Variants in ZNF208 observed in about 807,000 individuals in gnomAD.
The protein encoded by ZNF208 is zinc finger protein 95.
In ZNF208, 10 loss-of-function variants were observed where a neutral mutation model predicts 12.1. The observed-to-expected ratio is 0.83, with a 90% CI of 0.51 to 1.40. The LOEUF (loss-of-function observed/expected upper bound fraction) is 1.40, where lower values mean the gene tolerates loss of function less well. ZNF208 is among the 40% of genes most tolerant of loss of function. The pLI is 0.00. For synonymous variants in ZNF208, 497 were observed against 488.4 expected (o/e 1.02, Z -0.23); for missense variants, 1,652 against 1,485.0 (o/e 1.11, Z -1.85).
chr19:21,988,891 C>A lies in ZNF208; in HGVS notation c.22G>T (p.Asp8Tyr), dbSNP rs769620357. The A allele has an allele frequency of 1.2e-6, 2 of 1,614,056 alleles. No homozygotes were observed. The highest frequency in any genetic ancestry group is 2.2e-5 in the East Asian group (1 of 44,878). The stretch of plus-strand genomic sequence containing the variant: ...TCCAGAGAGAATTCTATGGCCACAT[C>A]CCTAAATGTCAATGATCCCTGGAAA... MGSLTFR[D>Y]VAIEFSLEEW... Residue 8 changes from aspartate (D) to tyrosine (Y), a missense_variant, in exon 2 of 4, where the codon GAT (aspartate) becomes TAT (tyrosine). Coordinates refer to ENST00000397126, the MANE Select transcript of ZNF208 (RefSeq NM_007153.3).
At chr19:21,959,233 T>A (rs1335286975) in intron 4 of ZNF208, among the ~76,000 whole-genome samples, 1 of 152,170 alleles carries the variant, frequency 6.6e-6, no homozygotes, top group Admixed American at 6.6e-5. Flanking sequence ...AAGTGATGAA[T>A]ACAGCAACAT....
chr19:21,995,608 A>C (rs1158664865), intron 1 of ZNF208, among the ~76,000 whole-genome samples: 13 of 152,204 alleles, frequency 8.5e-5, no homozygotes, highest in Admixed American at 8.5e-4. Context: ...TAAATAAAAA[A>C]ATGGAACTAC....
At chr19:21,993,375 A>G (rs1307975514) in intron 1 of ZNF208, among the ~76,000 whole-genome samples, 1 of 152,136 alleles carries the variant, frequency 6.6e-6, no homozygotes, top group Non-Finnish European at 1.5e-5. Context: ...TTCTGGCCTC[A>G]CCTTAGAGTC....
chr19:21,969,672 T>C lies in ZNF208; in HGVS notation c.*1519A>G, dbSNP rs1026051720. Among the ~76,000 whole-genome samples the C allele has an allele frequency of 6.6e-6, 1 of 152,196 alleles. No individual in the cohort carries two copies. Among genetic ancestry groups the C allele is most frequent in the Non-Finnish European group, 1.5e-5 (1 of 68,034 alleles). On this transcript the variant is annotated 3_prime_UTR_variant, in exon 4 of 4. Coordinates refer to ENST00000397126, the MANE Select transcript of ZNF208 (RefSeq NM_007153.3). Reference sequence around the variant, plus strand: ...TGATGTTGAGCAAAGTTGGAACAACTACCTCAGGTTTTCCTGTAGTACAAA... The same window carrying C: ...TGATGTTGAGCAAAGTTGGAACAACCACCTCAGGTTTTCCTGTAGTACAAA...
At chr19:21,941,957 C>A (rs1484905512) in intron 4 of ZNF208, among the ~76,000 whole-genome samples, 1 of 151,968 alleles carries the variant, frequency 6.6e-6, no homozygotes, top group Non-Finnish European at 1.5e-5. Flanking sequence ...ACAAACTTTA[C>A]AAATTGCTGT....
At chr19:21,961,025 A>T (rs1970058206) in intron 4 of ZNF208, among the ~76,000 whole-genome samples, 1 of 152,156 alleles carries the variant, frequency 6.6e-6, no homozygotes, top group African/African-American at 2.4e-5. Flanking sequence ...ATGAATAAGA[A>T]TTTGCATCAC....
At position 21,973,552 on chromosome 19, in the gene ZNF208, C is replaced by T. The variant is rs765709286; in HGVS notation, c.1482G>A (p.Glu494=). ...CACATTCTTCACATTTGTAGGGTTT[C>T]TCTCCAGCATGAGTTGCCTTATCAC... ...EECDKATHAG[E]KPYKCEECGK... Residue 494 remains glutamate, a synonymous_variant, in exon 4 of 4, where the codon GAG becomes GAA. Coordinates refer to ENST00000397126, the MANE Select transcript of ZNF208 (RefSeq NM_007153.3). 6.2e-7 allele frequency: 1 copy of T among 1,612,468 alleles called. No homozygotes were observed. The highest frequency in any genetic ancestry group is 8.5e-7 in the Non-Finnish European group (1 of 1,179,712).
chr19:22,007,381 G>T (rs572865233), intron 1 of ZNF208, among the ~76,000 whole-genome samples: 2 of 151,476 alleles, frequency 1.3e-5, no homozygotes, highest in Non-Finnish European at 2.9e-5. Context: ...TTTGCTGGGC[G>T]TGGTGGCGGG....
Position 21,973,824 on chromosome 19 carries a change from T to G in ZNF208, c.1210A>C (p.Lys404Gln), listed in dbSNP as rs1227206581. 1 of 1,613,682 alleles carries G rather than the reference T, an allele frequency of 6.2e-7. No individual in the cohort carries two copies. The highest frequency in any genetic ancestry group is 8.5e-7 in the Non-Finnish European group (1 of 1,179,882). ...EKPYKCEECGKGFSMFSILTK... is the reference protein window; with the variant it reads ...EKPYKCEECGQGFSMFSILTK... Reference sequence around the variant, plus strand: ...AGGATTGAGAACATACTAAAACCTTTGCCACATTCTTCACATTTGTAGGGT... The same window carrying G: ...AGGATTGAGAACATACTAAAACCTTGGCCACATTCTTCACATTTGTAGGGT... The change falls in exon 4 of 4, where the codon AAA becomes CAA. Residue 404 changes from lysine (K) to glutamine (Q), a missense_variant. This residue lies in a region of ZNF208 where 1,239 missense variants were observed against 1,086.2 expected (regional missense o/e 1.14). Coordinates refer to ENST00000397126, the MANE Select transcript of ZNF208 (RefSeq NM_007153.3).
intron 4 of ZNF208, among the ~76,000 whole-genome samples, chr19:21,943,779 A>C (rs1017621426): frequency 6.6e-6 from 1 of 152,242 alleles, no homozygotes; most frequent in Non-Finnish European, 1.5e-5. Context: ...AAAAATAAAC[A>C]TAAAAAGCTG....
intron 1 of ZNF208, among the ~76,000 whole-genome samples, chr19:21,994,951 T>TTC (rs200674456): frequency 0.01 from 413 of 41,130 alleles, 21 homozygotes; most frequent in East Asian, 0.035. Context: ...CTGTTTTTCT[T>TTC]TTCTTTTTTT....
intron 4 of ZNF208, among the ~76,000 whole-genome samples, chr19:21,959,386 A>G (rs1970027473): frequency 6.6e-6 from 1 of 152,218 alleles, no homozygotes; most frequent in Non-Finnish European, 1.5e-5. Context: ...TCACATACAC[A>G]GAAAAAGAAA....
chr19:21,956,500 C>A (rs909212304), intron 4 of ZNF208, among the ~76,000 whole-genome samples: 2 of 152,172 alleles, frequency 1.3e-5, no homozygotes, highest in African/African-American at 4.8e-5. Context: ...TTTGAGGTTC[C>A]CAGTCATTTT....
At chr19:21,940,955 C>G (rs1215557703) in intron 4 of ZNF208, 1 of 168,928 alleles carries the variant, frequency 5.9e-6, no homozygotes, top group African/African-American at 2.4e-5. Context: ...CGAGGCATCC[C>G]CGGGCTGGGC....
Position 21,973,972 on chromosome 19 carries a change from T to G in ZNF208, c.1062A>C (p.Ser354=), listed in dbSNP as rs367546840. 3.0e-3 allele frequency: 4,837 copies of G among 1,613,294 alleles called. 9 individuals carry two copies. Among genetic ancestry groups the G allele is most frequent in the Non-Finnish European group, 3.8e-3 (4,444 of 1,179,756 alleles). ...KECGKAFSKF[S]ILTKHKVIHT... ...GAATTACCTTATGTTTAGTAAGGAT[T>G]GAGAACTTACTAAAGGCTTTGCCAC... The change falls in exon 4 of 4, where the codon TCA becomes TCC. Residue 354 remains serine (S), a synonymous_variant. Coordinates refer to ENST00000397126, the MANE Select transcript of ZNF208 (RefSeq NM_007153.3).
chr19:21,976,146 G>C (rs1325770447), intron 3 of ZNF208, among the ~76,000 whole-genome samples: 1 of 152,026 alleles, frequency 6.6e-6, no homozygotes, highest in African/African-American at 2.4e-5. Context: ...ACATTTAAGA[G>C]ATAAAAGCAT....
intron 3 of ZNF208, among the ~76,000 whole-genome samples, chr19:21,983,772 T>A (rs533324744): frequency 1.3e-5 from 2 of 152,166 alleles, no homozygotes; most frequent in South Asian, 2.1e-4. Context: ...AAACACAGCA[T>A]GTTCTCACTC....
intron 3 of ZNF208, chr19:21,986,924 AAAAC>A (rs765262286): frequency 1.2e-5 from 5 of 416,138 alleles, no homozygotes; most frequent in South Asian, 9.7e-5. Flanking sequence ...TGTGTCCACA[AAAAC>A]AAACAAACAA....
In ZNF208 at chr19:21,971,624, C is replaced by A. The variant is rs372604682; in HGVS notation, c.3410G>T (p.Gly1137Val). 2.7e-5 allele frequency: 43 copies of A among 1,612,594 alleles called. No homozygotes were observed. Among genetic ancestry groups the A allele is most frequent in the Middle Eastern group, 1.6e-4 (1 of 6,074 alleles). ...TTCTTCACATTTGTAGGGTTTCTCT[C>A]CAGTATGAATTACCTTATGTTTAGT... ...ILTKHKVIHTGEKPYKCEECG... is the reference protein window; with the variant it reads ...ILTKHKVIHTVEKPYKCEECG... The change falls in exon 4 of 4, where the codon GGA (glycine) becomes GTA (valine). Residue 1137 changes from glycine (G) to valine (V), a missense_variant. Transcript: ENST00000397126.
Sources: allele counts gnomAD v4.1 joint callset (sites outside exome capture counted in the v4.1 genomes callset), GRCh38; gene constraint gnomAD v4.1.1; regional missense constraint gnomAD v4.1.1; transcripts MANE v1.5; gene names NCBI Gene and HGNC (gene_info 2026-07-23, HGNC 2026-07-21).